Variants in MMUT observed in about 807,000 individuals in gnomAD.
MMUT encodes the protein methylmalonyl-CoA mutase, mitochondrial.
Under a neutral mutation model 79.9 loss-of-function variants are expected in MMUT, and 79 were observed. That is an observed-to-expected ratio of 0.99 (90% CI 0.82 to 1.19). MMUT has a LOEUF of 1.19. Among genes scored for constraint, MMUT ranks in the 50% most tolerant of loss-of-function variants. MMUT has a pLI of 0.00. For synonymous variants in MMUT, 273 were observed against 295.7 expected, an observed-to-expected ratio of 0.92 and a Z score of 0.79; for missense variants, 860 against 917.2, an observed-to-expected ratio of 0.94 and a Z score of 0.81.
intron 9 of MMUT, 121 bp from the exon 10 acceptor site, chr6:49,442,092 A>G: frequency 8.4e-7 from 1 of 1,186,380 alleles, no homozygotes; most frequent in Non-Finnish European, 1.2e-6. Context: ...AAAAATGTAA[A>G]ATAAGAATTT....
rs1554160638 is a variant in MMUT at position 49,457,774 on chromosome 6, C to T, written c.670G>A (p.Glu224Lys). 2.5e-6 allele frequency: 4 copies of T among 1,612,446 alleles called. No individual in the cohort carries two copies. The highest frequency in any genetic ancestry group is 3.4e-6 in the Non-Finnish European group (4 of 1,178,846). Residue 224 changes from glutamate to lysine, a missense_variant, in exon 3 of 13, where the codon GAA becomes AAA. Glu to Lys is a moderately conservative substitution (Grantham distance 56). Coordinates refer to ENST00000274813, the MANE Select transcript of MMUT (RefSeq NM_000255.4). ...TGTIQNDILK[E>K]FMVRNTYIFP... is the part of the protein sequence containing the mutation. The stretch of plus-strand genomic sequence containing the variant: ...ATGTATGTATTTCGAACCATAAATT[C>T]CTTTAGTATATCATTTTGGATGGTA...
At chr6:49,453,127 C>T (rs1322928838) in intron 5 of MMUT, among the ~76,000 whole-genome samples, 5 of 150,666 alleles carry the variant, frequency 3.3e-5, no homozygotes, top group African/African-American at 4.9e-5. Context: ...CTGCAACCTC[C>T]GATTCCCAGG....
At position 49,459,407 on chromosome 6, in the gene MMUT, T is replaced by C. The variant is rs1767780929; in HGVS notation, c.60A>G (p.Lys20=). 1 of 1,613,508 alleles carries C rather than the reference T, an allele frequency of 6.2e-7. No homozygotes were observed. The highest frequency in any genetic ancestry group is 1.1e-5 in the South Asian group (1 of 90,992). ...LLSPHYLRQV[K]ESSGSRLIQQ... ...GTATGAGCCTGGAGCCTGATGATTC[T>C]TTTACCTGCCTCAGGTAATGAGGTG... Residue 20 remains lysine (K), a synonymous_variant, in exon 2 of 13, where the codon AAA becomes AAG. Coordinates refer to ENST00000274813, the MANE Select transcript of MMUT (RefSeq NM_000255.4).
At chr6:49,440,093 C>T (rs1767232028) in intron 11 of MMUT, 113 bp downstream of exon 11, 3 of 1,366,154 alleles carry the variant, frequency 2.2e-6, no homozygotes, top group South Asian at 2.3e-5. Flanking sequence ...GGCTACATAC[C>T]AGTTACCAGG....
chr6:49,440,485 GT>G lies in MMUT; in HGVS notation c.1809-133del, dbSNP rs1254994690. On this transcript the variant is annotated intron_variant, in intron 10 of 12. Transcript: ENST00000274813. ...CCTAATTTGTTTACTTGTATTTTGG[GT>G]TGTTTTTTTTTTCCAATTTTTATTT... 4.9e-6 allele frequency: 5 copies of G among 1,028,670 alleles called. No homozygotes were observed. In the East Asian group the frequency reaches 1.0e-4, roughly 21 times the overall value. 63.7% of individuals were successfully genotyped at this position (1,028,670 alleles called of 1,614,324 possible).
In MMUT at chr6:49,451,707, T is replaced by G. The variant is rs563776413; in HGVS notation, c.1091A>C (p.Tyr364Ser). The change falls in exon 6 of 13, where the codon TAC becomes TCC. Residue 364 changes from tyrosine to serine, a missense_variant. Transcript: ENST00000274813. Reference protein sequence around the residue: ...SGWSLTEQDPYNNIVRTAIEA... With the variant: ...SGWSLTEQDPSNNIVRTAIEA... ...TATTGCAGTACGGACAATATTATTG[T>G]AGGGATCCTAAAATATTTGATAAAA... 3.8e-5 allele frequency: 61 copies of G among 1,613,838 alleles called. No homozygotes were observed. In the Middle Eastern group the frequency reaches 2.3e-3, roughly 61 times the overall value.
Position 49,458,000 on chromosome 6 carries a change from T to G in MMUT, c.444A>C (p.Ser148=), listed in dbSNP as rs1383277551. Residue 148 remains serine (S), a synonymous_variant, in exon 3 of 13, where the codon TCA becomes TCC. Coordinates refer to ENST00000274813, the MANE Select transcript of MMUT (RefSeq NM_000255.4). The stretch of plus-strand genomic sequence containing the variant: ...CATCACCACGAACTCGAGGGTTGTC[T>G]GAATCATAGCCACGATGTGTCGCCA... ...FDLATHRGYD[S]DNPRVRGDVG... The G allele has an allele frequency of 6.2e-7, 1 of 1,605,576 alleles. No individual in the cohort carries two copies. The highest frequency in any genetic ancestry group is 8.5e-7 in the Non-Finnish European group (1 of 1,179,918).
Position 49,451,021 on chromosome 6 carries a change from G to A in MMUT, c.1332+445C>T, listed in dbSNP as rs75539619. Among the ~76,000 whole-genome samples, 917 of 152,194 alleles carry A rather than the reference G, an allele frequency of 6.0e-3. 50 individuals carry two copies. In the East Asian group the frequency reaches 0.14, roughly 24 times the overall value. ...GCCAAAATCTAAACTACCCTACTAGGAAAGCAATAGATAGTGTCTAAGGTC... is the reference window on the plus strand; with the variant it reads ...GCCAAAATCTAAACTACCCTACTAGAAAAGCAATAGATAGTGTCTAAGGTC... On this transcript the variant is annotated intron_variant, in intron 6 of 12. Coordinates refer to ENST00000274813, the MANE Select transcript of MMUT (RefSeq NM_000255.4).
chr6:49,440,343 A>C lies in MMUT; in HGVS notation c.1819T>G (p.Phe607Val). 6.2e-7 allele frequency: 1 copy of C among 1,613,966 alleles called. No homozygotes were observed. The change falls in exon 11 of 13, where the codon TTC (phenylalanine) becomes GTC (valine). Residue 607 changes from phenylalanine (F) to valine (V), a missense_variant. Phe to Val is a conservative substitution (Grantham distance 50, BLOSUM62 -1). Coordinates refer to ENST00000274813, the MANE Select transcript of MMUT (RefSeq NM_000255.4). ...ITSAIKRVHK[F>V]MEREGRRPRL... ...GGTCTGCGACCTTCACGTTCCATGAATTTATGAACCCTGAAAAACATTTAA... is the reference window on the plus strand; with the variant it reads ...GGTCTGCGACCTTCACGTTCCATGACTTTATGAACCCTGAAAAACATTTAA...
chr6:49,459,222 G>A lies in MMUT; in HGVS notation c.245C>T (p.Pro82Leu). ...LYSKRDTMDL[P>L]EELPGVKPFT... The stretch of plus-strand genomic sequence containing the variant: ...TGGCTTCACTCCTGGAAGTTCTTCA[G>A]GTAAGTCCATAGTATCTCTCTTGGA... The change falls in exon 2 of 13, where the codon CCT becomes CTT. Residue 82 changes from proline (P) to leucine (L), a missense_variant. Coordinates refer to ENST00000274813, the MANE Select transcript of MMUT (RefSeq NM_000255.4). 1.2e-6 allele frequency: 2 copies of A among 1,614,166 alleles called. No individual in the cohort carries two copies. Among genetic ancestry groups the A allele is most frequent in the Non-Finnish European group, 1.7e-6 (2 of 1,180,028 alleles).
chr6:49,440,829 T>C (rs923676668), intron 10 of MMUT, among the ~76,000 whole-genome samples: 4 of 152,168 alleles, frequency 2.6e-5, no homozygotes, highest in East Asian at 1.9e-4. Context: ...GAGTACAACA[T>C]GCAGAAAGAT....
At chr6:49,441,607 T>C (rs998998933) in intron 10 of MMUT, among the ~76,000 whole-genome samples, 3 of 149,314 alleles carry the variant, frequency 2.0e-5, no homozygotes, top group African/African-American at 7.3e-5. Flanking sequence ...TATAGATATA[T>C]AATATGTATC....
chr6:49,460,553 G>A (rs1343673075), intron 1 of MMUT, among the ~76,000 whole-genome samples: 1 of 152,148 alleles, frequency 6.6e-6, no homozygotes, highest in African/African-American at 2.4e-5. Flanking sequence ...TAGAAACTGA[G>A]GCTCAGAGAA....
In MMUT at chr6:49,431,823, T is replaced by C. The variant is rs771224892; in HGVS notation, c.2158A>G (p.Asn720Asp). The C allele has an allele frequency of 1.9e-6, 3 of 1,613,782 alleles. No homozygotes were observed. Among genetic ancestry groups the C allele is most frequent in the East Asian group, 4.5e-5 (2 of 44,848 alleles). ...YEFLFEVGVS[N>D]VFGPGTRIPK... Reference sequence around the variant, plus strand: ...ATTCGAGTCCCAGGACCAAATACATTGGAAACACCAACTTCAAACAGAAAT... The same window carrying C: ...ATTCGAGTCCCAGGACCAAATACATCGGAAACACCAACTTCAAACAGAAAT... The change falls in exon 13 of 13, where the codon AAT becomes GAT. Residue 720 changes from asparagine to aspartate, a missense_variant. By Grantham distance (23) the Asn-to-Asp change is conservative. Coordinates refer to ENST00000274813, the MANE Select transcript of MMUT (RefSeq NM_000255.4).
chr6:49,431,906 C>A (rs535456138), intron 12 of MMUT, 50 bp from the exon 13 acceptor site: 1 of 1,580,492 alleles, frequency 6.3e-7, no homozygotes, highest in Non-Finnish European at 8.7e-7. Context: ...TCCATTTTCA[C>A]GGAAATAAAA....
intron 11 of MMUT, among the ~76,000 whole-genome samples, chr6:49,438,199 T>G (rs1213106801): frequency 1.3e-5 from 2 of 152,138 alleles, no homozygotes; most frequent in East Asian, 3.9e-4. Context: ...TCATATAAAA[T>G]TATTACAATG....
chr6:49,454,941 G>A (rs1387531207), intron 4 of MMUT, among the ~76,000 whole-genome samples: 3 of 152,064 alleles, frequency 2.0e-5, no homozygotes, highest in South Asian at 4.2e-4. Flanking sequence ...AGCTACTTGG[G>A]AGCCTGAGGT....
At position 49,451,607 on chromosome 6, in the gene MMUT, TG is replaced by T; in HGVS notation, c.1190del (p.Pro397GlnfsTer3). On this transcript the variant is annotated frameshift_variant, in exon 6 of 13. Coordinates refer to ENST00000274813, the MANE Select transcript of MMUT (RefSeq NM_000255.4). LOFTEE classifies it high-confidence loss of function. ...TNSFDEALGL[P>X]TVKSARIARN... ...TGGCAATTCGAGCACTTTTCACAGT[TG>T]GCAAACCCAAAGCTTCATCAAAAGA... 1 of 1,614,182 alleles carries T rather than the reference TG, an allele frequency of 6.2e-7. No individual in the cohort carries two copies.
At chr6:49,456,525 C>T (rs1767694942) in intron 3 of MMUT, among the ~76,000 whole-genome samples, 1 of 152,152 alleles carries the variant, frequency 6.6e-6, no homozygotes, top group Non-Finnish European at 1.5e-5. Flanking sequence ...AATTAGCTAG[C>T]TGAGGTTAGG....
Sources: gnomAD v4.1 joint callset for allele counts (sites outside exome capture counted in the v4.1 genomes callset) on GRCh38, gnomAD v4.1.1 for gene constraint, MANE v1.5 for transcripts, NCBI Gene and HGNC (gene_info 2026-07-23, HGNC 2026-07-21) for gene names.